The following WDSUB1 variants were observed in gnomAD, a reference collection of about 807,000 sequenced individuals.
WDSUB1 encodes the protein WD repeat, sterile alpha motif and U-box domain containing 1, also known as WD repeat, SAM and U-box domain-containing protein 1.
A neutral mutation model predicts 53.9 loss-of-function variants in WDSUB1; 49 were observed. The observed-to-expected ratio is 0.91, with a 90% CI of 0.72 to 1.15. The LOEUF (loss-of-function observed/expected upper bound fraction) is 1.15, where lower values mean the gene tolerates loss of function less well. WDSUB1 is among the 50% of genes most tolerant of loss of function. The probability of loss-of-function intolerance (pLI) is 0.00; values close to 1 mark genes in which losing one functional copy is unlikely to be tolerated. For synonymous variants in WDSUB1, 194 were observed against 200.6 expected, an observed-to-expected ratio of 0.97 and a Z score of 0.28; for missense variants, 514 against 562.0, an observed-to-expected ratio of 0.91 and a Z score of 0.86.
In WDSUB1 at chr2:159,256,269, GA is replaced by G; in HGVS notation, c.1058del (p.Phe353SerfsTer3). The G allele has an allele frequency of 1.9e-6, 3 of 1,611,514 alleles. No homozygotes were observed. Among genetic ancestry groups the G allele is most frequent in the Non-Finnish European group, 2.5e-6 (3 of 1,179,202 alleles). ...AQDLKDLVGI[F>X]KMNNIDGKEL... ...CTTTTCCATCAATGTTATTCATCTT[GA>G]AAATACCAACAAGATCTTTTAAATC... On this transcript the variant is annotated frameshift_variant, in exon 9 of 11. Coordinates refer to ENST00000359774, the MANE Select transcript of WDSUB1 (RefSeq NM_001128212.3). LOFTEE classifies it high-confidence loss of function.
chr2:159,244,950 A>AT (rs1246343082), intron 10 of WDSUB1, among the ~76,000 whole-genome samples: 2 of 152,086 alleles, frequency 1.3e-5, no homozygotes, highest in Non-Finnish European at 2.9e-5. Context: ...AAATTTAAAC[A>AT]TTTTTTTAAA....
chr2:159,246,363 C>T lies in WDSUB1; in HGVS notation c.1273+2009G>A, dbSNP rs185753712. The stretch of plus-strand genomic sequence containing the variant: ...AGGAGAACGGTGTGAACCCGAGAGG[C>T]GGAGCTTGCAGTGAGCAGAGATCAC... On this transcript the variant is annotated intron_variant, in intron 10 of 10. Transcript: ENST00000359774. Among the ~76,000 whole-genome samples the T allele has an allele frequency of 2.7e-3, 394 of 144,794 alleles. 1 individual carries two copies. Among genetic ancestry groups the T allele is most frequent in the Non-Finnish European group, 4.0e-3 (269 of 66,958 alleles). 95.0% of individuals were successfully genotyped at this position (144,794 alleles called of 152,430 possible).
chr2:159,260,201 A>G (rs1314326010), intron 5 of WDSUB1, among the ~76,000 whole-genome samples: 1 of 152,138 alleles, frequency 6.6e-6, no homozygotes, highest in African/African-American at 2.4e-5. Context: ...TCTCCTTGGT[A>G]AGCTGAGGCA....
chr2:159,258,211 G>T (rs1229349136), intron 6 of WDSUB1, among the ~76,000 whole-genome samples: 12 of 152,182 alleles, frequency 7.9e-5, no homozygotes. Flanking sequence ...TTGTCTGCTA[G>T]CCACCTCCTT....
chr2:159,247,593 T>C (rs1251431871), intron 10 of WDSUB1, among the ~76,000 whole-genome samples: 1 of 152,026 alleles, frequency 6.6e-6, no homozygotes, highest in Non-Finnish European at 1.5e-5. Flanking sequence ...TCAAACTGTT[T>C]TCACATTCAT....
At chr2:159,284,561 G>A (rs530564774) in intron 1 of WDSUB1, among the ~76,000 whole-genome samples, 1 of 152,052 alleles carries the variant, frequency 6.6e-6, no homozygotes, top group Admixed American at 6.6e-5. Flanking sequence ...GTCCTATCAT[G>A]GTTTGTCATC....
At chr2:159,238,032 A>C in intron 10 of WDSUB1, among the ~76,000 whole-genome samples, 1 of 152,210 alleles carries the variant, frequency 6.6e-6, no homozygotes, top group African/African-American at 2.4e-5. Context: ...CAGCCTAACC[A>C]ACAGTATATG....
At chr2:159,273,310 CAAT>C (rs1323812031) in intron 4 of WDSUB1, among the ~76,000 whole-genome samples, 5 of 151,964 alleles carry the variant, frequency 3.3e-5, no homozygotes, top group Admixed American at 1.3e-4. Flanking sequence ...TTCAATACAA[CAAT>C]AATAGGTTAT....
At chr2:159,248,239 C>T in intron 10 of WDSUB1, 133 bp downstream of exon 10, 1 of 996,858 alleles carries the variant, frequency 1.0e-6, no homozygotes, top group Non-Finnish European at 1.4e-6. Flanking sequence ...CATTTGTTCA[C>T]CCAAGGTTTA....
chr2:159,281,234 C>G (rs541820485), intron 2 of WDSUB1, among the ~76,000 whole-genome samples: 9 of 152,086 alleles, frequency 5.9e-5, no homozygotes, highest in African/African-American at 1.7e-4. Context: ...AAAGTGTTAG[C>G]GTGAAAATTT....
chr2:159,285,122 G>A (rs1307846568), intron 1 of WDSUB1, among the ~76,000 whole-genome samples: 1 of 152,106 alleles, frequency 6.6e-6, no homozygotes, highest in Non-Finnish European at 1.5e-5. Flanking sequence ...GCTCATTTCT[G>A]TATCCACACC....
intron 3 of WDSUB1, among the ~76,000 whole-genome samples, chr2:159,277,437 C>G (rs533421968): frequency 6.6e-6 from 1 of 152,228 alleles, no homozygotes; most frequent in South Asian, 2.1e-4. Flanking sequence ...CTGAAGTTCT[C>G]TAAGTAGTGA....
chr2:159,268,582 A>G (rs1451197378), intron 5 of WDSUB1, among the ~76,000 whole-genome samples: 1 of 152,234 alleles, frequency 6.6e-6, no homozygotes, highest in Non-Finnish European at 1.5e-5. Context: ...AGGAGCCTAA[A>G]TATCTTAGCT....
intron 9 of WDSUB1, among the ~76,000 whole-genome samples, chr2:159,252,679 G>A (rs938554543): frequency 2.0e-5 from 3 of 152,150 alleles, no homozygotes; most frequent in South Asian, 2.1e-4. Flanking sequence ...AATAAATGCA[G>A]TTACATAGGC....
intron 5 of WDSUB1, among the ~76,000 whole-genome samples, chr2:159,270,492 C>T (rs2061425647): frequency 6.6e-6 from 1 of 152,074 alleles, no homozygotes; most frequent in Non-Finnish European, 1.5e-5. Flanking sequence ...AGGACAGAAA[C>T]AGAACAAAAT....
chr2:159,282,946 A>G lies in WDSUB1; in HGVS notation c.124T>C (p.Phe42Leu), dbSNP rs769808849. 2 of 1,614,228 alleles carry G rather than the reference A, an allele frequency of 1.2e-6. No homozygotes were observed. Among genetic ancestry groups the G allele is most frequent in the Non-Finnish European group, 1.7e-6 (2 of 1,180,048 alleles). ...KTIRLYSLRD[F>L]TELPHSPLKF... ...AATGGAGAATGTGGCAGTTCAGTAA[A>G]GTCACGTAACGAGTACAGGCGAATT... The change falls in exon 2 of 11, where the codon TTT (phenylalanine) becomes CTT (leucine). Residue 42 changes from phenylalanine (F) to leucine (L), a missense_variant. Physicochemically the swap from Phe to Leu is conservative, Grantham distance 22. Transcript: ENST00000359774.
At chr2:159,279,249 C>G (rs1261032477) in intron 3 of WDSUB1, among the ~76,000 whole-genome samples, 1 of 152,124 alleles carries the variant, frequency 6.6e-6, no homozygotes, top group East Asian at 1.9e-4. Flanking sequence ...CTATTTAAAA[C>G]CAAGAGACTA....
chr2:159,240,680 T>C (rs935348421), intron 10 of WDSUB1, among the ~76,000 whole-genome samples: 1 of 152,308 alleles, frequency 6.6e-6, no homozygotes, highest in South Asian at 2.1e-4. Flanking sequence ...AGCATTCCTA[T>C]TTTATAAATG....
At chr2:159,262,251 C>G (rs2061242768) in intron 5 of WDSUB1, among the ~76,000 whole-genome samples, 2 of 151,942 alleles carry the variant, frequency 1.3e-5, no homozygotes, top group African/African-American at 4.8e-5. Context: ...TTAGTGATCT[C>G]TATGAGCATT....
Sources: gnomAD v4.1 joint callset for allele counts (sites outside exome capture counted in the v4.1 genomes callset) on GRCh38, gnomAD v4.1.1 for gene constraint, MANE v1.5 for transcripts, NCBI Gene and HGNC (gene_info 2026-07-23, HGNC 2026-07-21) for gene names.